CASD1: variants seen among roughly 807,000 people sequenced by gnomAD.
CASD1 encodes CAS1 domain sialic acid O acetyltransferase 1.
Under a neutral mutation model 100.0 loss-of-function variants are expected in CASD1, and 41 were observed. That is an observed-to-expected ratio of 0.41 (90% CI 0.32 to 0.53). CASD1 has a LOEUF of 0.53. Ranked by LOEUF, CASD1 falls within the 20% of genes least tolerant of loss-of-function variation. CASD1 has a pLI of 0.25. For missense variants in CASD1, 774 were observed against 948.7 expected, an observed-to-expected ratio of 0.82 and a Z score of 2.42; for synonymous variants, 321 against 315.6, an observed-to-expected ratio of 1.02 and a Z score of -0.18.
intron 7 of CASD1, among the ~76,000 whole-genome samples, chr7:94,535,090 A>G (rs1006539112): frequency 4.6e-5 from 7 of 152,330 alleles, no homozygotes; most frequent in African/African-American, 1.7e-4. Context: ...AGTTCTTTAA[A>G]TTTGAAAGGG....
intron 3 of CASD1, among the ~76,000 whole-genome samples, chr7:94,523,826 C>T (rs1204531204): frequency 6.6e-6 from 1 of 152,080 alleles, no homozygotes; most frequent in Non-Finnish European, 1.5e-5. Context: ...GTAATTAAAA[C>T]AGTGTGGTAT....
the CASD1 span, among the ~76,000 whole-genome samples, chr7:94,593,657 T>C: frequency 6.6e-6 from 1 of 151,994 alleles, no homozygotes; most frequent in East Asian, 1.9e-4. Flanking sequence ...CTCCACACCA[T>C]TTTCCTCAGG....
the CASD1 span, among the ~76,000 whole-genome samples, chr7:94,609,246 G>A: frequency 2.0e-5 from 3 of 152,204 alleles, no homozygotes; most frequent in Non-Finnish European, 4.4e-5. Flanking sequence ...TGGGCCAGAG[G>A]CCAGATGCAG....
At position 94,537,909 on chromosome 7, in the gene CASD1, C is replaced by T. The variant is rs1474876530; in HGVS notation, c.1266+15C>T. ...ATACTAAAGAGGTAAGAGTCATTTT[C>T]TTTTTAACTCATGTTACCCTTCTTG... On this transcript the variant is annotated intron_variant, in intron 9 of 17. Transcript: ENST00000297273. 7.5e-7 allele frequency: 1 copy of T among 1,338,026 alleles called. No individual in the cohort carries two copies. The highest frequency in any genetic ancestry group is 1.1e-6 in the Non-Finnish European group (1 of 945,036). 82.9% of individuals were successfully genotyped at this position (1,338,026 alleles called of 1,614,324 possible).
intron 1 of CASD1, among the ~76,000 whole-genome samples, chr7:94,512,592 T>C (rs1428647318): frequency 5.9e-5 from 9 of 152,264 alleles, no homozygotes; most frequent in Admixed American, 5.9e-4. Flanking sequence ...TGAGCACTTA[T>C]ATGTCAGGGA....
At chr7:94,544,930 G>A (rs1165743282) in intron 11 of CASD1, among the ~76,000 whole-genome samples, 1 of 152,004 alleles carries the variant, frequency 6.6e-6, no homozygotes, top group East Asian at 1.9e-4. Flanking sequence ...GCCTTGAGTT[G>A]TTATCTTTAT....
At position 94,533,713 on chromosome 7, in the gene CASD1, C is replaced by T. The variant is rs139281390; in HGVS notation, c.539C>T (p.Ala180Val). 1.6e-5 allele frequency: 25 copies of T among 1,604,024 alleles called. No individual in the cohort carries two copies. Among genetic ancestry groups the T allele is most frequent in the Non-Finnish European group, 2.0e-5 (23 of 1,175,258 alleles). ...SIKIHNGSSE[A>V]LSQYKMNITS... Reference sequence around the variant, plus strand: ...AAGATTCACAATGGTAGCAGTGAAGCGCTTTCTCAATATAAAATGAACATC... The same window carrying T: ...AAGATTCACAATGGTAGCAGTGAAGTGCTTTCTCAATATAAAATGAACATC... The change falls in exon 7 of 18, where the codon GCG becomes GTG. Residue 180 changes from alanine (A) to valine (V), a missense_variant. Around this residue, in one of 5 missense-constraint regions of CASD1, gnomAD observed 453 missense variants for 532.6 expected, o/e 0.85. Transcript: ENST00000297273.
the CASD1 span, chr7:94,585,570 T>C: frequency 2.4e-6 from 3 of 1,270,874 alleles, no homozygotes; most frequent in South Asian, 2.4e-5. Context: ...TGGATACTTT[T>C]AGATTTTGAG....
chr7:94,525,265 CCAA>C (rs1794505514), intron 3 of CASD1, among the ~76,000 whole-genome samples: 2 of 152,014 alleles, frequency 1.3e-5, no homozygotes, highest in Admixed American at 1.3e-4. Flanking sequence ...GGAGAGAAAG[CCAA>C]CAACATTAAA....
intron 17 of CASD1, among the ~76,000 whole-genome samples, chr7:94,555,270 A>G (rs561497676): frequency 2.6e-5 from 4 of 152,130 alleles, no homozygotes; most frequent in East Asian, 3.9e-4. Context: ...TAATTGTTCT[A>G]TTATTTTCTT....
In CASD1 at chr7:94,555,540, A is replaced by G. The variant is rs1796159446; in HGVS notation, c.2176A>G (p.Ile726Val). The change falls in exon 18 of 18, where the codon ATC becomes GTC. Residue 726 changes from isoleucine (I) to valine (V), a missense_variant. By Grantham distance (29) the Ile-to-Val change is conservative. This residue lies in a region of CASD1 where 175 missense variants were observed against 206.9 expected (regional missense o/e 0.85). Transcript: ENST00000297273. The part of the protein sequence containing the change: ...HIWLAADTRG[I>V]LVLIPGNPML... ...ATGGCTGGCAGCGGACACAAGGGGT[A>G]TCTTGGTACTGATACCTGGAAACCC... 3 of 1,613,324 alleles carry G rather than the reference A, an allele frequency of 1.9e-6. No homozygotes were observed. Among genetic ancestry groups the G allele is most frequent in the Non-Finnish European group, 8.5e-7 (1 of 1,179,570 alleles).
At chr7:94,600,508 A>T in the CASD1 span, 1 of 657,878 alleles carries the variant, frequency 1.5e-6, no homozygotes, top group Non-Finnish European at 2.7e-6. Flanking sequence ...AAAGGAATAA[A>T]GTATTGCAGT....
rs62465675 is a variant in CASD1 at position 94,519,432 on chromosome 7, C to G, written c.351+1109C>G. ...AGAGTTGAAAACTTAAGAGCCTTCA[C>G]AGCTAAGTAGTTATTAACATAGTGA... On this transcript the variant is annotated intron_variant, in intron 3 of 17. Transcript: ENST00000297273. Among the ~76,000 whole-genome samples the G allele has an allele frequency of 8.1e-4, 123 of 152,212 alleles. 1 individual carries two copies. The highest frequency in any genetic ancestry group is 7.1e-3 in the Admixed American group (108 of 15,292).
the CASD1 span, among the ~76,000 whole-genome samples, chr7:94,579,413 A>G: frequency 3.9e-5 from 6 of 152,152 alleles, no homozygotes; most frequent in African/African-American, 1.2e-4. Context: ...AATGTACTGC[A>G]CCCTATTAAT....
the CASD1 span, among the ~76,000 whole-genome samples, chr7:94,632,095 A>C: frequency 2.6e-5 from 4 of 152,072 alleles, no homozygotes; most frequent in African/African-American, 9.7e-5. Flanking sequence ...TAATACTTAG[A>C]GGGATAGCAT....
At position 94,556,423 on chromosome 7, in the gene CASD1, A is replaced by T. The variant is rs1796206471; in HGVS notation, c.*665A>T. 1 of 151,924 alleles carries T rather than the reference A, an allele frequency of 6.6e-6. No homozygotes were observed. The highest frequency in any genetic ancestry group is 2.1e-4 in the South Asian group (1 of 4,816). The allele number at this position is 151,924 out of a possible 1,614,324, so 9.4% of individuals were successfully genotyped here. A position where few individuals can be genotyped will look rare whatever the true frequency, so the allele number is the denominator to read the frequency against. On this transcript the variant is annotated 3_prime_UTR_variant, in exon 18 of 18. Transcript: ENST00000297273. ...TGAGGCTCCATGACAGGGTTTTGTC[A>T]TTGTTGATGTTATTGTTGCTTCGTT...
At chr7:94,632,692 A>G in the CASD1 span, among the ~76,000 whole-genome samples, 3 of 152,102 alleles carry the variant, frequency 2.0e-5, no homozygotes, top group Non-Finnish European at 4.4e-5. Context: ...CCCACACAAC[A>G]TTTTAGAGGA....
intron 1 of CASD1, among the ~76,000 whole-genome samples, chr7:94,513,805 G>A (rs1253374868): frequency 1.3e-5 from 2 of 152,090 alleles, no homozygotes; most frequent in East Asian, 3.9e-4. Context: ...TTCCTTTTAT[G>A]TTCTTTTGTG....
chr7:94,558,016 G>T (rs375159721), downstream of CASD1, among the ~76,000 whole-genome samples: 2 of 152,146 alleles, frequency 1.3e-5, no homozygotes, highest in Admixed American at 6.5e-5. Context: ...AACCACAGAG[G>T]TTCTCTAAAT....
Sources: allele counts gnomAD v4.1 joint callset (sites outside exome capture counted in the v4.1 genomes callset), GRCh38; gene constraint gnomAD v4.1.1; regional missense constraint gnomAD v4.1.1; transcripts MANE v1.5; gene names NCBI Gene and HGNC (gene_info 2026-07-23, HGNC 2026-07-21).